CREB5: variants seen among roughly 807,000 people sequenced by gnomAD.
The protein encoded by CREB5 is cAMP responsive element binding protein 5.
CREB5 carries 19 observed loss-of-function variants against 57.1 expected under a neutral mutation model. The ratio of observed to expected loss-of-function variants is 0.33; its 90% CI spans 0.23 to 0.49. The LOEUF (loss-of-function observed/expected upper bound fraction) is 0.49. Among genes scored for constraint, CREB5 ranks in the 20% least tolerant of loss-of-function variants. The probability of loss-of-function intolerance (pLI) is 0.99; values close to 1 mark genes in which losing one functional copy is unlikely to be tolerated. For synonymous variants in CREB5, 238 were observed against 238.3 expected (o/e 1.00, Z 0.01); for missense variants, 579 against 671.6 (o/e 0.86, Z 1.52).
intron 1 of CREB5, among the ~76,000 whole-genome samples, chr7:28,453,688 C>A (rs1583481389): frequency 6.6e-6 from 1 of 152,182 alleles, no homozygotes; most frequent in Non-Finnish European, 1.5e-5. Flanking sequence ...AAATGAAACA[C>A]CCCAACAATT....
intron 1 of CREB5, among the ~76,000 whole-genome samples, chr7:28,426,987 T>C (rs1788534307): frequency 6.6e-6 from 1 of 152,162 alleles, no homozygotes; most frequent in Admixed American, 6.5e-5. Flanking sequence ...CTGGTGAGTG[T>C]TCCTGGAGGA....
intron 1 of CREB5, among the ~76,000 whole-genome samples, chr7:28,454,174 C>T (rs577209775): frequency 3.9e-5 from 6 of 152,064 alleles, no homozygotes; most frequent in African/African-American, 9.7e-5. Flanking sequence ...AGGATGGTCT[C>T]GATCTCCTGA....
At chr7:28,322,511 G>A (rs1032579301) in intron 1 of CREB5, among the ~76,000 whole-genome samples, 3 of 152,052 alleles carry the variant, frequency 2.0e-5, no homozygotes, top group African/African-American at 7.3e-5. Context: ...CATGTGCCAT[G>A]GTGGTTTGTT....
At chr7:28,757,401 G>T (rs1018610148) in intron 7 of CREB5, among the ~76,000 whole-genome samples, 1 of 152,184 alleles carries the variant, frequency 6.6e-6, no homozygotes, top group Non-Finnish European at 1.5e-5. Context: ...GGCTGGGCAC[G>T]GTGGCTCATG....
At chr7:28,455,679 G>A (rs1562728368) in intron 1 of CREB5, among the ~76,000 whole-genome samples, 1 of 152,008 alleles carries the variant, frequency 6.6e-6, no homozygotes, top group Non-Finnish European at 1.5e-5. Flanking sequence ...GCTTCATGGA[G>A]GAATGCGGGG....
At chr7:28,416,254 C>T (rs1379349881) in intron 1 of CREB5, among the ~76,000 whole-genome samples, 1 of 152,124 alleles carries the variant, frequency 6.6e-6, no homozygotes, top group African/African-American at 2.4e-5. Flanking sequence ...GTGTTGCAGG[C>T]ATGATTTCTC....
chr7:28,539,730 G>A (rs1794126893), intron 4 of CREB5, among the ~76,000 whole-genome samples: 1 of 152,168 alleles, frequency 6.6e-6, no homozygotes, highest in South Asian at 2.1e-4. Context: ...CTGAGTAAAG[G>A]CACAGTCCCT....
chr7:28,645,169 G>C (rs898428090), intron 5 of CREB5, among the ~76,000 whole-genome samples: 1 of 152,188 alleles, frequency 6.6e-6, no homozygotes, highest in Non-Finnish European at 1.5e-5. Context: ...TGAGGCAATG[G>C]AAAGATGATG....
chr7:28,472,349 G>T (rs945701655), intron 1 of CREB5, among the ~76,000 whole-genome samples: 1 of 152,094 alleles, frequency 6.6e-6, no homozygotes, highest in Non-Finnish European at 1.5e-5. Context: ...ATGTATATGT[G>T]TATTTGTGTA....
chr7:28,475,520 A>G (rs575227698), intron 1 of CREB5, among the ~76,000 whole-genome samples: 3 of 152,234 alleles, frequency 2.0e-5, no homozygotes, highest in Admixed American at 6.5e-5. Flanking sequence ...AAGTGTTAAG[A>G]TTAAGAAAAT....
chr7:28,400,066 T>TACAC (rs3041008), intron 1 of CREB5, among the ~76,000 whole-genome samples: 45,769 of 150,196 alleles, frequency 0.3, 7,013 homozygotes, highest in East Asian at 0.51. Flanking sequence ...CTGAAACAGA[T>TACAC]ACACACACAC....
intron 5 of CREB5, among the ~76,000 whole-genome samples, chr7:28,662,682 G>C (rs1248912918): frequency 6.6e-6 from 1 of 152,158 alleles, no homozygotes; most frequent in Non-Finnish European, 1.5e-5. Flanking sequence ...ATGCTGGGAG[G>C]CGCTGAGGAA....
chr7:28,652,308 T>C lies in CREB5; in HGVS notation c.465-66445T>C, dbSNP rs897905780. On this transcript the variant is annotated intron_variant, in intron 5 of 10. Coordinates refer to ENST00000357727, the MANE Select transcript of CREB5 (RefSeq NM_182898.4). Reference sequence around the variant, plus strand: ...TTCACTCCTACTGTGAAAGCTCCTATTTTCAAATTGCTTTAAGGTAATAAT... The same window carrying C: ...TTCACTCCTACTGTGAAAGCTCCTACTTTCAAATTGCTTTAAGGTAATAAT... 1.3e-5 allele frequency among the ~76,000 whole-genome samples: 2 copies of C among 152,296 alleles called. 1 individual carries two copies. The highest frequency in any genetic ancestry group is 1.3e-4 in the Admixed American group (2 of 15,286).
intron 7 of CREB5, among the ~76,000 whole-genome samples, chr7:28,767,235 G>T (rs1431150530): frequency 6.6e-6 from 1 of 152,126 alleles, no homozygotes; most frequent in Admixed American, 6.5e-5. Flanking sequence ...TTCCATGTAT[G>T]CATTTATTTT....
chr7:28,711,178 GAC>G (rs1227905580), intron 5 of CREB5, among the ~76,000 whole-genome samples: 32 of 152,192 alleles, frequency 2.1e-4, no homozygotes, highest in Admixed American at 2.1e-3. Context: ...GTTTGACAGT[GAC>G]AGTTTTAGGA....
Position 28,600,123 on chromosome 7 carries a change from C to A in CREB5, c.464+29586C>A, listed in dbSNP as rs534567048. ...CCACCTTCAATTCAGTACCCCCACC[C>A]TTTACATACCTGTGTCCCTGGATCT... On this transcript the variant is annotated intron_variant, in intron 5 of 10. Transcript: ENST00000357727. Among the ~76,000 whole-genome samples, 19 of 152,230 alleles carry A rather than the reference C, an allele frequency of 1.2e-4. 1 individual carries two copies. Among genetic ancestry groups the A allele is most frequent in the Middle Eastern group, 6.8e-3 (2 of 294 alleles).
At chr7:28,782,986 G>A (rs922110510) in intron 7 of CREB5, among the ~76,000 whole-genome samples, 2 of 152,110 alleles carry the variant, frequency 1.3e-5, no homozygotes, top group Non-Finnish European at 2.9e-5. Flanking sequence ...AAGGGAGGGA[G>A]GAAAGGAAGA....
At chr7:28,426,143 T>C (rs174024) in intron 1 of CREB5, among the ~76,000 whole-genome samples, 80,793 of 152,110 alleles carry the variant, frequency 0.53, 23,425 homozygotes, top group East Asian at 0.72. Flanking sequence ...GAATTATTTA[T>C]TGAGTCTTTA....
At chr7:28,534,533 A>G (rs1465384458) in intron 4 of CREB5, among the ~76,000 whole-genome samples, 1 of 152,160 alleles carries the variant, frequency 6.6e-6, no homozygotes, top group Non-Finnish European at 1.5e-5. Context: ...CAAGATGACA[A>G]TTCCAGCCAG....
Sources: allele counts gnomAD v4.1 joint callset (sites outside exome capture counted in the v4.1 genomes callset), GRCh38; gene constraint gnomAD v4.1.1; transcripts MANE v1.5; gene names NCBI Gene and HGNC (gene_info 2026-07-23, HGNC 2026-07-21).